Variants in AK5 observed in about 807,000 individuals in gnomAD.
The protein encoded by AK5 is adenylate kinase 5.
A neutral mutation model predicts 69.5 loss-of-function variants in AK5; 27 were observed. That is an observed-to-expected ratio of 0.39 (90% confidence interval 0.29 to 0.54). The LOEUF is 0.54. Ranked by LOEUF, AK5 falls within the 20% of genes least tolerant of loss-of-function variation. AK5 has a pLI of 0.71. For missense variants in AK5, 531 were observed against 700.4 expected (o/e 0.76, Z 2.73); for synonymous variants, 260 against 244.4 (o/e 1.06, Z -0.60).
chr1:77,476,245 G>A (rs1472537912), intron 8 of AK5, among the ~76,000 whole-genome samples: 2 of 151,720 alleles, frequency 1.3e-5, no homozygotes, highest in Non-Finnish European at 2.9e-5. Context: ...ATTCTGGGGT[G>A]TAACTAAATT....
intron 8 of AK5, among the ~76,000 whole-genome samples, chr1:77,423,418 C>A (rs186357645): frequency 1.4e-4 from 21 of 152,118 alleles, no homozygotes; most frequent in Admixed American, 2.6e-4. Context: ...GTTGTCTGAG[C>A]ACTTCTGATT....
At chr1:77,540,063 A>C (rs539324802) in intron 13 of AK5, among the ~76,000 whole-genome samples, 1 of 152,336 alleles carries the variant, frequency 6.6e-6, no homozygotes, top group East Asian at 1.9e-4. Context: ...CATTGAACCC[A>C]TCATCTGACA....
At chr1:77,518,231 CCCT>C (rs1657776272) in intron 10 of AK5, among the ~76,000 whole-genome samples, 1 of 152,122 alleles carries the variant, frequency 6.6e-6, no homozygotes. Context: ...AGCCAAGTAC[CCCT>C]CCTCTGTGCC....
chr1:77,322,989 C>CT (rs11347735), intron 5 of AK5, among the ~76,000 whole-genome samples: 71 of 147,076 alleles, frequency 4.8e-4, no homozygotes, highest in Middle Eastern at 3.5e-3. Context: ...TTTTTCTTTT[C>CT]TTTTTTTTTT....
At chr1:77,354,947 G>T (rs1014534032) in intron 6 of AK5, among the ~76,000 whole-genome samples, 2 of 152,192 alleles carry the variant, frequency 1.3e-5, no homozygotes, top group South Asian at 2.1e-4. Context: ...TATAAGATAT[G>T]ATTTTTCCTC....
At chr1:77,328,010 T>C (rs1660893693) in intron 5 of AK5, among the ~76,000 whole-genome samples, 1 of 152,138 alleles carries the variant, frequency 6.6e-6, no homozygotes, top group African/African-American at 2.4e-5. Flanking sequence ...GCCCATCTAG[T>C]CTCAGTCTAC....
At position 77,551,385 on chromosome 1, in the gene AK5, C is replaced by G. The variant is rs545016280; in HGVS notation, c.1621-7217C>G. On this transcript the variant is annotated intron_variant, in intron 13 of 13. Coordinates refer to ENST00000354567, the MANE Select transcript of AK5 (RefSeq NM_174858.3). ...AAGACTGCTTTTCCCATCTAGAAAG[C>G]CTTATCATTTGATTTTGTCTTTAAA... Among the ~76,000 whole-genome samples the G allele has an allele frequency of 1.7e-3, 261 of 152,236 alleles. 2 individuals carry two copies. The highest frequency in any genetic ancestry group is 2.6e-3 in the Non-Finnish European group (177 of 68,020).
intron 8 of AK5, among the ~76,000 whole-genome samples, chr1:77,455,178 G>A (rs1422437546): frequency 2.2e-5 from 3 of 139,052 alleles, no homozygotes; most frequent in African/African-American, 6.2e-5. Context: ...TATCGCTAAC[G>A]CAGGAATTGA....
chr1:77,391,495 G>GTATGTGTATATATATA (rs1553144161), intron 6 of AK5, among the ~76,000 whole-genome samples: 68 of 63,390 alleles, frequency 1.1e-3, no homozygotes, highest in African/African-American at 3.3e-3. Flanking sequence ...GTGTGTGTGT[G>GTATGTGTATATATATA]TATATATATA....
intron 6 of AK5, among the ~76,000 whole-genome samples, chr1:77,367,685 A>ATATATATGTTATATATAATATATGTTG (rs1557533413): frequency 1.1e-5 from 1 of 89,234 alleles, no homozygotes; most frequent in South Asian, 4.0e-4. Flanking sequence ...TATATATGTT[A>ATATATATGTTATATATAATATATGTTG]TATATACGTT....
At chr1:77,315,568 A>G (rs986092937) in intron 5 of AK5, among the ~76,000 whole-genome samples, 5 of 152,150 alleles carry the variant, frequency 3.3e-5, no homozygotes, top group African/African-American at 7.2e-5. Context: ...ATTTGATTAA[A>G]AACTTTATGA....
At chr1:77,283,579 C>T (rs1658183332) in intron 1 of AK5, 2 of 985,338 alleles carry the variant, frequency 2.0e-6, no homozygotes, top group Non-Finnish European at 2.4e-6. Context: ...TATAAGCCAC[C>T]GTTTTCAGGT....
intron 8 of AK5, among the ~76,000 whole-genome samples, chr1:77,446,515 G>T (rs549469242): frequency 6.6e-6 from 1 of 152,130 alleles, no homozygotes; most frequent in East Asian, 1.9e-4. Context: ...TATTGCTTTA[G>T]GTTGTATGGC....
chr1:77,443,931 A>C (rs3104465), intron 8 of AK5, among the ~76,000 whole-genome samples: 135,721 of 151,210 alleles, frequency 0.9, 60,941 homozygotes, highest in Non-Finnish European at 0.91. Flanking sequence ...CTTTTGTCCT[A>C]CCCACCCACC....
chr1:77,517,549 T>C (rs1215151757), intron 10 of AK5, among the ~76,000 whole-genome samples: 2 of 152,202 alleles, frequency 1.3e-5, no homozygotes, highest in African/African-American at 2.4e-5. Flanking sequence ...TATAACCTTG[T>C]ACGTAATACC....
At chr1:77,350,352 C>G (rs1300906652) in intron 6 of AK5, among the ~76,000 whole-genome samples, 1 of 152,162 alleles carries the variant, frequency 6.6e-6, no homozygotes, top group Non-Finnish European at 1.5e-5. Context: ...GATAAGCAGA[C>G]ACGTGTAGAA....
intron 13 of AK5, among the ~76,000 whole-genome samples, chr1:77,536,277 A>G (rs1658962931): frequency 6.6e-6 from 1 of 152,144 alleles, no homozygotes; most frequent in South Asian, 2.1e-4. Flanking sequence ...CCTAAGCAAC[A>G]TAGTGAGACC....
chr1:77,339,207 G>A (rs562838041), intron 5 of AK5, among the ~76,000 whole-genome samples: 5 of 152,094 alleles, frequency 3.3e-5, no homozygotes, highest in Admixed American at 6.5e-5. Context: ...AAGTAATTGC[G>A]GCATATGCTT....
chr1:77,542,298 G>A (rs577279701), intron 13 of AK5, among the ~76,000 whole-genome samples: 2 of 152,218 alleles, frequency 1.3e-5, no homozygotes, highest in Admixed American at 6.5e-5. Flanking sequence ...ACTCTGGCCT[G>A]GATGACAAAA....
Sources: allele counts gnomAD v4.1 joint callset (sites outside exome capture counted in the v4.1 genomes callset), GRCh38; gene constraint gnomAD v4.1.1; transcripts MANE v1.5; gene names NCBI Gene and HGNC (gene_info 2026-07-23, HGNC 2026-07-21).